ZPLD1: variants seen among roughly 807,000 people sequenced by gnomAD.
The protein encoded by ZPLD1 is zona pellucida-like domain-containing protein 1.
Under a neutral mutation model 47.2 loss-of-function variants are expected in ZPLD1, and 34 were observed. That is an observed-to-expected ratio of 0.72 (90% confidence interval 0.55 to 0.96). ZPLD1 has a LOEUF of 0.96. Among genes scored for constraint, ZPLD1 ranks in the 40% least tolerant of loss-of-function variants. The pLI, the probability that ZPLD1 is intolerant of heterozygous loss-of-function variation, is 0.00. For missense variants in ZPLD1, 512 were observed against 505.8 expected (o/e 1.01, Z -0.12); for synonymous variants, 176 against 186.2 (o/e 0.95, Z 0.45).
At chr3:102,424,242 A>G (rs1300091381) in intron 8 of ZPLD1, among the ~76,000 whole-genome samples, 1 of 152,102 alleles carries the variant, frequency 6.6e-6, no homozygotes, top group Non-Finnish European at 1.5e-5. Context: ...TTGAATATAC[A>G]TATTTTTTGC....
intron 7 of ZPLD1, among the ~76,000 whole-genome samples, chr3:102,400,527 T>G (rs1250972991): frequency 1.3e-5 from 2 of 152,078 alleles, no homozygotes; most frequent in African/African-American, 2.4e-5. Context: ...GCCTTCTCCA[T>G]GCTCAGAAGG....
intron 7 of ZPLD1, among the ~76,000 whole-genome samples, chr3:102,408,474 G>T (rs1359610414): frequency 6.6e-6 from 1 of 151,786 alleles, no homozygotes; most frequent in Non-Finnish European, 1.5e-5. Flanking sequence ...CTATTAGAAA[G>T]AAAAATTTAG....
At chr3:102,388,981 T>G (rs1172535805) in intron 6 of ZPLD1, among the ~76,000 whole-genome samples, 1 of 152,196 alleles carries the variant, frequency 6.6e-6, no homozygotes, top group Non-Finnish European at 1.5e-5. Flanking sequence ...AACCCCAACC[T>G]TCACCCTCAG....
At chr3:102,470,283 A>G in intron 9 of ZPLD1, 111 bp from the exon 10 acceptor site, 1 of 749,058 alleles carries the variant, frequency 1.3e-6, no homozygotes, top group Non-Finnish European at 2.3e-6. Context: ...GAAGGAAATG[A>G]ATAAAATTAA....
chr3:102,467,937 C>T (rs1466604757), intron 8 of ZPLD1, among the ~76,000 whole-genome samples: 1 of 151,040 alleles, frequency 6.6e-6, no homozygotes, highest in East Asian at 1.9e-4. Context: ...CAACCAGTAA[C>T]CACTTTTCTT....
upstream of ZPLD1, among the ~76,000 whole-genome samples, chr3:102,430,784 G>T (rs1707007041): frequency 2.0e-5 from 3 of 151,906 alleles, no homozygotes; most frequent in African/African-American, 4.8e-5. Flanking sequence ...TAAATATTTT[G>T]CCTATCATCT....
chr3:102,477,183 A>G, intron 11 of ZPLD1, 142 bp downstream of exon 11: 1 of 1,021,422 alleles, frequency 9.8e-7, no homozygotes, highest in Non-Finnish European at 1.5e-6. Context: ...TTTCAAACTC[A>G]TATGTGATCT....
intron 8 of ZPLD1, among the ~76,000 whole-genome samples, chr3:102,418,859 G>A (rs1422767954): frequency 1.3e-5 from 2 of 151,928 alleles, no homozygotes; most frequent in Non-Finnish European, 2.9e-5. Context: ...CCATAACCTG[G>A]GAGAAGTTAT....
chr3:102,436,815 C>A, intron 1 of ZPLD1, 45 bp from the exon 2 acceptor site: 2 of 897,958 alleles, frequency 2.2e-6, no homozygotes, highest in Non-Finnish European at 2.7e-6. Context: ...TTCAGAACCA[C>A]AAAATAACTC....
intron 7 of ZPLD1, among the ~76,000 whole-genome samples, chr3:102,462,602 G>A (rs555213313): frequency 6.6e-6 from 1 of 151,964 alleles, no homozygotes; most frequent in Non-Finnish European, 1.5e-5. Context: ...CATAAAGAAG[G>A]GGGGTGGTTC....
At chr3:102,421,920 T>G (rs979757939) in intron 8 of ZPLD1, among the ~76,000 whole-genome samples, 5 of 152,024 alleles carry the variant, frequency 3.3e-5, no homozygotes, top group African/African-American at 9.7e-5. Flanking sequence ...CATTTTCTTT[T>G]GTATTAAAAA....
intron 3 of ZPLD1, among the ~76,000 whole-genome samples, chr3:102,446,471 G>A (rs1707256953): frequency 6.6e-6 from 1 of 151,890 alleles, no homozygotes; most frequent in Non-Finnish European, 1.5e-5. Context: ...CTTGTTTTCT[G>A]TCCCCAAATA....
At chr3:102,393,403 G>A (rs1706522869) in intron 7 of ZPLD1, among the ~76,000 whole-genome samples, 1 of 152,074 alleles carries the variant, frequency 6.6e-6, no homozygotes, top group Non-Finnish European at 1.5e-5. Flanking sequence ...TTCAATTGCA[G>A]ATTCAACAAC....
intron 3 of ZPLD1, 128 bp from the exon 4 acceptor site, chr3:102,452,791 T>C (rs1297240794): frequency 4.9e-6 from 5 of 1,022,584 alleles, no homozygotes; most frequent in Non-Finnish European, 7.0e-6. Flanking sequence ...CATTGGATTA[T>C]GGTGTATCAA....
chr3:102,417,777 AT>A lies in ZPLD1; in HGVS notation c.-156-275del, dbSNP rs200829394. On this transcript the variant is annotated intron_variant, in intron 7 of 17. Transcript: ENST00000491959. ...CCCAGGCCTTGTTTCTTACTTTATGATTTTTTTTCCAGCAGGCTTTCCCTCA... is the reference window on the plus strand; with the variant it reads ...CCCAGGCCTTGTTTCTTACTTTATGATTTTTTTCCAGCAGGCTTTCCCTCA... Among the ~76,000 whole-genome samples the A allele has an allele frequency of 5.5e-3, 832 of 151,644 alleles. 4 individuals carry two copies. The highest frequency in any genetic ancestry group is 0.037 in the Middle Eastern group (11 of 294).
At chr3:102,408,111 G>T (rs1706711961) in intron 7 of ZPLD1, among the ~76,000 whole-genome samples, 1 of 151,874 alleles carries the variant, frequency 6.6e-6, no homozygotes. Context: ...GTCCAGGGTT[G>T]TTATGGTGAT....
chr3:102,407,449 A>G (rs1430606144), intron 7 of ZPLD1, among the ~76,000 whole-genome samples: 1 of 121,302 alleles, frequency 8.2e-6, no homozygotes, highest in African/African-American at 3.0e-5. Context: ...ATATACACAC[A>G]TATGCCATCC....
chr3:102,399,480 C>G (rs977048872), intron 7 of ZPLD1, among the ~76,000 whole-genome samples: 3 of 152,032 alleles, frequency 2.0e-5, no homozygotes, highest in African/African-American at 7.2e-5. Flanking sequence ...CCAAGATCAT[C>G]GTATGTATGA....
At chr3:102,432,540 A>G (rs1198010454), upstream of ZPLD1, among the ~76,000 whole-genome samples, 1 of 152,242 alleles carries the variant, frequency 6.6e-6, no homozygotes, top group African/African-American at 2.4e-5. Context: ...GGAAATTTAA[A>G]AGTTTGATAA....
Sources: allele counts gnomAD v4.1 joint callset (sites outside exome capture counted in the v4.1 genomes callset), GRCh38; gene constraint gnomAD v4.1.1; transcripts MANE v1.5; gene names NCBI Gene and HGNC (gene_info 2026-07-23, HGNC 2026-07-21).